The following DNM2 variants were observed in gnomAD, a reference collection of about 807,000 sequenced individuals.
The protein encoded by DNM2 is dynamin 2.
A neutral mutation model predicts 99.0 loss-of-function variants in DNM2; 15 were observed. That is an observed-to-expected ratio of 0.15 (90% CI 0.10 to 0.23). The LOEUF (loss-of-function observed/expected upper bound fraction) is 0.23. DNM2 is among the 10% of genes least tolerant of loss of function. The pLI is 1.00. For missense variants in DNM2, 742 were observed against 1,189.4 expected (o/e 0.62, Z 5.53); for synonymous variants, 525 against 481.2 (o/e 1.09, Z -1.19).
intron 6 of DNM2, 67 bp from the exon 7 acceptor site, chr19:10,786,497 G>A (rs1259666553): frequency 1.2e-6 from 2 of 1,609,836 alleles, no homozygotes; most frequent in African/African-American, 2.7e-5. Flanking sequence ...GTTGGGGGGA[G>A]TGTGTCTGCC....
chr19:10,744,736 C>G (rs902115684), intron 1 of DNM2, among the ~76,000 whole-genome samples: 1 of 152,182 alleles, frequency 6.6e-6, no homozygotes, highest in African/African-American at 2.4e-5. Flanking sequence ...AACCGTTTTA[C>G]AGAGCAGGAC....
chr19:10,718,496 G>A lies in DNM2; in HGVS notation c.161+93G>A, dbSNP rs1339804997. On this transcript the variant is annotated intron_variant, in intron 1 of 20. Coordinates refer to ENST00000389253, the MANE Select transcript of DNM2 (RefSeq NM_001005361.3). ...CGCGCCGTGCGCCGCCGGCGTAACTGCGGCGCTTGCGTGCCCGCGGCGGGG... is the reference window on the plus strand; with the variant it reads ...CGCGCCGTGCGCCGCCGGCGTAACTACGGCGCTTGCGTGCCCGCGGCGGGG... 2.4e-6 allele frequency: 3 copies of A among 1,262,740 alleles called. No individual in the cohort carries two copies. The African/African-American group carries it at 4.7e-5, about 20-fold the overall frequency. 78.2% of individuals were successfully genotyped at this position (1,262,740 alleles called of 1,614,324 possible).
Position 10,750,002 on chromosome 19 carries a change from C to T in DNM2, c.162-9736C>T, listed in dbSNP as rs535659668. On this transcript the variant is annotated intron_variant, in intron 1 of 20. Transcript: ENST00000389253. ...GGTGCAGGGGGTGGGGCTGGGGAACCCGGTCAGCACTGGGACTAGGACTGG... is the reference window on the plus strand; with the variant it reads ...GGTGCAGGGGGTGGGGCTGGGGAACTCGGTCAGCACTGGGACTAGGACTGG... Among the ~76,000 whole-genome samples the T allele has an allele frequency of 2.6e-5, 4 of 152,302 alleles. No homozygotes were observed. In the South Asian group the frequency reaches 8.3e-4, roughly 32 times the overall value.
rs551955068 is a variant in DNM2, at chr19:10,766,797, G to A, written c.236-5682G>A. On this transcript the variant is annotated intron_variant, in intron 2 of 20. Transcript: ENST00000389253. ...CGGCTGACTCCCTGGCCTTGGCAGC[G>A]TGATTGCTGGATGACTGCCCAGATT... Among the ~76,000 whole-genome samples the A allele has an allele frequency of 3.7e-4, 56 of 152,246 alleles. No homozygotes were observed. In the South Asian group the frequency reaches 3.7e-3, roughly 10 times the overall value.
chr19:10,791,167 A>C lies in DNM2; in HGVS notation c.993-2553A>C, dbSNP rs145004375. 3.4e-3 allele frequency among the ~76,000 whole-genome samples: 520 copies of C among 151,858 alleles called. 2 individuals carry two copies. Among genetic ancestry groups the C allele is most frequent in the African/African-American group, 0.012 (504 of 41,420 alleles). On this transcript the variant is annotated intron_variant, in intron 7 of 20. Transcript: ENST00000389253. ...GCACTGGTGCAATCACGGCTCACTG[A>C]AGCCTGGACCTCCTGGGCTCAAGCA...
chr19:10,760,683 A>G (rs2070592103), intron 2 of DNM2, among the ~76,000 whole-genome samples: 1 of 151,672 alleles, frequency 6.6e-6, no homozygotes, highest in African/African-American at 2.4e-5. Flanking sequence ...TTTTTAAGAG[A>G]CAGGGTCTCA....
In DNM2 at chr19:10,786,544, C is replaced by A; in HGVS notation, c.850-20C>A. The A allele has an allele frequency of 6.2e-7, 1 of 1,613,992 alleles. No homozygotes were observed. The highest frequency in any genetic ancestry group is 8.5e-7 in the Non-Finnish European group (1 of 1,180,026). ...TCCTGCCCATGCCACCCTTTCTGAT[C>A]TCTGACCTCTCTCCTGCAGCAACTG... On this transcript the variant is annotated intron_variant, in intron 6 of 20. Transcript: ENST00000389253.
At chr19:10,761,392 GTGTA>G (rs1187784420) in intron 2 of DNM2, among the ~76,000 whole-genome samples, 8 of 152,046 alleles carry the variant, frequency 5.3e-5, no homozygotes, top group Non-Finnish European at 7.4e-5. Context: ...CCTGATCTCA[GTGTA>G]TTTCTATTCT....
intron 5 of DNM2, among the ~76,000 whole-genome samples, chr19:10,781,974 A>T (rs1436332394): frequency 6.6e-6 from 1 of 151,970 alleles, no homozygotes; most frequent in Non-Finnish European, 1.5e-5. Flanking sequence ...ACTGTTTAAA[A>T]TATACTCGTT....
At chr19:10,736,575 AGT>A (rs2069534762) in intron 1 of DNM2, among the ~76,000 whole-genome samples, 1 of 152,230 alleles carries the variant, frequency 6.6e-6, no homozygotes, top group Non-Finnish European at 1.5e-5. Flanking sequence ...ATTGTGTATT[AGT>A]ACGTGGAAAG....
chr19:10,742,231 G>A (rs1451087614), intron 1 of DNM2, among the ~76,000 whole-genome samples: 1 of 152,126 alleles, frequency 6.6e-6, no homozygotes, highest in Non-Finnish European at 1.5e-5. Context: ...GCAAGGGAGT[G>A]CCATGTTGCA....
chr19:10,808,114 G>A (rs150118471), intron 13 of DNM2, among the ~76,000 whole-genome samples: 442 of 151,468 alleles, frequency 2.9e-3, no homozygotes, highest in African/African-American at 0.01. Flanking sequence ...CTGCACTCTG[G>A]CCTGGGCGGC....
chr19:10,802,106 G>C (rs2072171971), intron 11 of DNM2, among the ~76,000 whole-genome samples, 182 bp from the exon 12 acceptor site: 1 of 152,042 alleles, frequency 6.6e-6, no homozygotes, highest in Non-Finnish European at 1.5e-5. Flanking sequence ...GCTGTGCTCT[G>C]TTGTCCCAGG....
Position 10,765,706 on chromosome 19 carries a change from G to A in DNM2, c.235+5895G>A, listed in dbSNP as rs964353708. Among the ~76,000 whole-genome samples, 1 of 152,208 alleles carries A rather than the reference G, an allele frequency of 6.6e-6. No homozygotes were observed. On this transcript the variant is annotated intron_variant, in intron 2 of 20. Coordinates refer to ENST00000389253, the MANE Select transcript of DNM2 (RefSeq NM_001005361.3). The surrounding 1 kb of genome is among the most constrained non-coding windows in gnomAD (Gnocchi z 4.4). ...CTTGGTCTGCTGAAGGCTCTCAAAA[G>A]TCCTGCATGAGTGGATCCTGCCTGC...
chr19:10,784,973 G>A (rs1055677328), intron 6 of DNM2, among the ~76,000 whole-genome samples: 6 of 149,862 alleles, frequency 4.0e-5, no homozygotes, highest in East Asian at 2.0e-4. Context: ...ACAGGCGTGC[G>A]CCACCACACT....
chr19:10,746,727 G>GTTTTTTTT lies in DNM2; in HGVS notation c.162-13005_162-13004insTTTTTTTT, dbSNP rs757494612. The stretch of plus-strand genomic sequence containing the variant: ...GAGCAACCGTGCCGGCTTTTTTTTT[G>GTTTTTTTT]TTTTTTGTTTTTTTTTTTTTTGAGA... On this transcript the variant is annotated intron_variant, in intron 1 of 20. Transcript: ENST00000389253. Among the ~76,000 whole-genome samples, 12 of 116,210 alleles carry GTTTTTTTT rather than the reference G, an allele frequency of 1.0e-4. 2 individuals carry two copies. Among genetic ancestry groups the GTTTTTTTT allele is most frequent in the Non-Finnish European group, 1.2e-4 (7 of 60,018 alleles). 76.2% of individuals were successfully genotyped at this position (116,210 alleles called of 152,430 possible). A position where few individuals can be genotyped will look rare whatever the true frequency, so the allele number is the denominator to read the frequency against.
chr19:10,752,973 A>G (rs968238101), intron 1 of DNM2, among the ~76,000 whole-genome samples: 4 of 152,052 alleles, frequency 2.6e-5, no homozygotes, highest in African/African-American at 9.7e-5. Flanking sequence ...CAAAAAAACC[A>G]AAAAACTTAA....
chr19:10,758,323 CTCCCTCCT>C (rs2070476070), intron 1 of DNM2, among the ~76,000 whole-genome samples: 1 of 64,874 alleles, frequency 1.5e-5, no homozygotes, highest in East Asian at 5.2e-4. Context: ...CCTTCCTTCC[CTCCCTCCT>C]TCCTTCCCTC....
In DNM2 at chr19:10,812,918, G is replaced by C. The variant is rs1302871173; in HGVS notation, c.1671+541G>C. On this transcript the variant is annotated intron_variant, in intron 15 of 20. Transcript: ENST00000389253. This position sits in a 1 kb window ranked among gnomAD's most constrained non-coding sequence, Gnocchi z 4.0. ...CTAGAGTGCAAAAGGGAGATGGAGG[G>C]TGATGGAGTCACTAGCAGGCTAGAA... Among the ~76,000 whole-genome samples the C allele has an allele frequency of 3.3e-5, 5 of 152,372 alleles. No homozygotes were observed. In the East Asian group the frequency reaches 5.8e-4, roughly 18 times the overall value.
Sources: allele counts gnomAD v4.1 joint callset (sites outside exome capture counted in the v4.1 genomes callset), GRCh38; gene constraint gnomAD v4.1.1; non-coding constraint Gnocchi (gnomAD v3.1); transcripts MANE v1.5; gene names NCBI Gene and HGNC (gene_info 2026-07-23, HGNC 2026-07-21).